Variants in MICAL2 observed in about 807,000 individuals in gnomAD.
MICAL2 encodes the protein microtubule associated monooxygenase, calponin and LIM domain containing 2.
A neutral mutation model predicts 127.3 loss-of-function variants in MICAL2; 77 were observed. The observed-to-expected ratio is 0.60, with a 90% CI of 0.50 to 0.73. The LOEUF is 0.73. MICAL2 is among the 30% of genes least tolerant of loss of function. The pLI, the probability that MICAL2 is intolerant of heterozygous loss-of-function variation, is 0.00. For synonymous variants in MICAL2, 570 were observed against 551.1 expected (o/e 1.03, Z -0.48); for missense variants, 1,351 against 1,434.4 (o/e 0.94, Z 0.94).
chr11:12,166,946 G>A (rs1328563429), intron 3 of MICAL2, among the ~76,000 whole-genome samples: 2 of 152,156 alleles, frequency 1.3e-5, no homozygotes, highest in Non-Finnish European at 2.9e-5. Flanking sequence ...GAAAGGAGGA[G>A]TGTGTGGGGT....
chr11:12,226,025 G>T (rs766793475), intron 13 of MICAL2, 146 bp from the exon 14 acceptor site: 1 of 711,160 alleles, frequency 1.4e-6, no homozygotes, highest in Non-Finnish European at 2.4e-6. Flanking sequence ...ACTGGGAGTA[G>T]GGGCTGGGGT....
chr11:12,211,846 G>A (rs897666731), intron 6 of MICAL2, among the ~76,000 whole-genome samples: 1 of 152,154 alleles, frequency 6.6e-6, no homozygotes, highest in African/African-American at 2.4e-5. Context: ...GTCCAATGGC[G>A]GCGGGCTGGA....
At chr11:12,320,997 C>T (rs367902403) in intron 30 of MICAL2, among the ~76,000 whole-genome samples, 1 of 152,068 alleles carries the variant, frequency 6.6e-6, no homozygotes, top group East Asian at 1.9e-4. Flanking sequence ...CTTGAATGAC[C>T]CTGAGTTAAT....
intron 21 of MICAL2, among the ~76,000 whole-genome samples, chr11:12,244,865 T>C (rs1169581721): frequency 6.6e-6 from 1 of 152,176 alleles, no homozygotes; most frequent in Non-Finnish European, 1.5e-5. Flanking sequence ...GTAAAGGAAT[T>C]TCATTTTATC....
At chr11:12,256,683 G>C in intron 23 of MICAL2, 102 bp from the exon 24 acceptor site, 1 of 1,137,188 alleles carries the variant, frequency 8.8e-7, no homozygotes, top group Admixed American at 2.7e-5. Flanking sequence ...AGAAGCCCAC[G>C]AGGTCCCCAG....
rs765173686 is a variant in MICAL2 at position 12,349,903 on chromosome 11, A to G, written c.5581A>G (p.Lys1861Glu). The G allele has an allele frequency of 3.1e-6, 5 of 1,614,028 alleles. No individual in the cohort carries two copies. The African/African-American group carries it at 5.3e-5, about 17-fold the overall frequency. Residue 1861 changes from lysine to glutamate, a missense_variant, in exon 33 of 35, where the codon AAA (lysine) becomes GAA (glutamate). Transcript: ENST00000646065. ...GTTTAAGCTGGTTCTGGAGAAGAAT[A>G]AATTAATGCGATATGAGTCGGAGCT... is the stretch of plus-strand genomic sequence containing the variant.
rs1442956843 is a variant in MICAL2, at chr11:12,194,539, A to G, written c.265-9711A>G. Among the ~76,000 whole-genome samples the G allele has an allele frequency of 2.0e-5, 3 of 152,170 alleles. No individual in the cohort carries two copies. In the East Asian group the frequency reaches 5.8e-4, roughly 29 times the overall value. On this transcript the variant is annotated intron_variant, in intron 3 of 27. Transcript: ENST00000683283. Reference sequence around the variant, plus strand: ...ATTTTAGCTCTGCCTTTTTCCCCACATGTAGGTTACAACTGGCCCTACATT... The same window carrying G: ...ATTTTAGCTCTGCCTTTTTCCCCACGTGTAGGTTACAACTGGCCCTACATT...
chr11:12,140,367 A>C lies in MICAL2; in HGVS notation c.-78+1907A>C, dbSNP rs143252238. Among the ~76,000 whole-genome samples the C allele has an allele frequency of 4.3e-4, 66 of 152,306 alleles. 1 individual carries two copies. The highest frequency in any genetic ancestry group is 1.3e-3 in the African/African-American group (53 of 41,576). On this transcript the variant is annotated intron_variant, in intron 2 of 27. Transcript: ENST00000683283. ...GCAGCTGTCTAAGGGCTGAGCTGGGACATGGCCCAGTCCTACTGTTTATAA... is the reference window on the plus strand; with the variant it reads ...GCAGCTGTCTAAGGGCTGAGCTGGGCCATGGCCCAGTCCTACTGTTTATAA...
intron 3 of MICAL2, among the ~76,000 whole-genome samples, chr11:12,169,910 A>T (rs1856021342): frequency 1.3e-5 from 2 of 152,162 alleles, no homozygotes; most frequent in Non-Finnish European, 2.9e-5. Context: ...TTAAAAAGAG[A>T]GTGCAGTAAG....
downstream of MICAL2, among the ~76,000 whole-genome samples, chr11:12,291,519 T>G (rs952947705): frequency 6.6e-6 from 1 of 152,204 alleles, no homozygotes; most frequent in Non-Finnish European, 1.5e-5. Context: ...GTAGCCACAC[T>G]GTATCCTGTT....
chr11:12,325,213 G>T (rs527625046), intron 31 of MICAL2, among the ~76,000 whole-genome samples: 2 of 152,180 alleles, frequency 1.3e-5, no homozygotes, highest in Non-Finnish European at 2.9e-5. Context: ...AGGTTCAAGC[G>T]ATTCTCTTGC....
chr11:12,318,417 C>T lies in MICAL2; in HGVS notation c.5213-1279C>T, dbSNP rs868178058. ...GAGCTTTCCATCTGGCAAATTAAAC[C>T]AGAAAACAGGGATGTTTTGCATTAT... On this transcript the variant is annotated intron_variant, in intron 29 of 34. Transcript: ENST00000646065. Among the ~76,000 whole-genome samples the T allele has an allele frequency of 1.4e-4, 21 of 152,244 alleles. No individual in the cohort carries two copies. The South Asian group carries it at 3.3e-3, about 24-fold the overall frequency.
chr11:12,294,435 C>T (rs775211841), downstream of MICAL2: 2 of 1,614,216 alleles, frequency 1.2e-6, no homozygotes, highest in Non-Finnish European at 1.7e-6. Context: ...CAGTCCTCAG[C>T]CTTTAGCCCT....
At chr11:12,322,971 G>A (rs957703696) in intron 30 of MICAL2, among the ~76,000 whole-genome samples, 6 of 152,134 alleles carry the variant, frequency 3.9e-5, no homozygotes, top group African/African-American at 7.2e-5. Flanking sequence ...AGAGAGCACT[G>A]AAGTTCAGAA....
At chr11:12,342,076 T>C (rs1938876398) in intron 32 of MICAL2, among the ~76,000 whole-genome samples, 1 of 152,160 alleles carries the variant, frequency 6.6e-6, no homozygotes, top group Non-Finnish European at 1.5e-5. Context: ...GGAAAAGGCA[T>C]GAGATGAGGA....
At position 12,216,177 on chromosome 11, in the gene MICAL2, C is replaced by T. The variant is rs753184655; in HGVS notation, c.848-42C>T. The T allele has an allele frequency of 7.7e-6, 11 of 1,420,066 alleles. No individual in the cohort carries two copies. In the Admixed American group the frequency reaches 1.8e-4, roughly 24 times the overall value. 88.0% of individuals were successfully genotyped at this position (1,420,066 alleles called of 1,614,324 possible). A position where few individuals can be genotyped will look rare whatever the true frequency, so the allele number is the denominator to read the frequency against. On this transcript the variant is annotated intron_variant, in intron 7 of 27. Coordinates refer to ENST00000683283, the MANE Select transcript of MICAL2 (RefSeq NM_001282663.2). ...TACAGTTCCTGGCACACAGTTGGTGCCGAGGAAGTAACACTGAGCTTGTGA... is the reference window on the plus strand; with the variant it reads ...TACAGTTCCTGGCACACAGTTGGTGTCGAGGAAGTAACACTGAGCTTGTGA...
rs577143490 is a variant in MICAL2 at position 12,147,962 on chromosome 11, A to C, written c.-78+9502A>C. ...ACAGCCAGGTTTGGTGAGCTTAGGC[A>C]TAGACTCTGAGTTAGACGAACACAG... On this transcript the variant is annotated intron_variant, in intron 2 of 27. Coordinates refer to ENST00000683283, the MANE Select transcript of MICAL2 (RefSeq NM_001282663.2). Among the ~76,000 whole-genome samples, 45 of 152,342 alleles carry C rather than the reference A, an allele frequency of 3.0e-4. 1 individual carries two copies. The highest frequency in any genetic ancestry group is 2.7e-3 in the South Asian group (13 of 4,828).
intron 32 of MICAL2, among the ~76,000 whole-genome samples, chr11:12,344,847 G>A (rs1418688149): frequency 6.6e-6 from 1 of 150,840 alleles, no homozygotes; most frequent in African/African-American, 2.4e-5. Context: ...GGTGGCTCAC[G>A]CCTGTAATCC....
chr11:12,202,988 T>C (rs1462778580), intron 3 of MICAL2, among the ~76,000 whole-genome samples: 3 of 152,230 alleles, frequency 2.0e-5, no homozygotes, highest in Non-Finnish European at 4.4e-5. Context: ...GTCTCATGGA[T>C]TTGCCTATTC....
Sources: allele counts gnomAD v4.1 joint callset (sites outside exome capture counted in the v4.1 genomes callset), GRCh38; gene constraint gnomAD v4.1.1; transcripts MANE v1.5; gene names NCBI Gene and HGNC (gene_info 2026-07-23, HGNC 2026-07-21).